SLC6A12: variants seen among roughly 807,000 people sequenced by gnomAD.
The protein encoded by SLC6A12 is solute carrier family 6 member 12.
Under a neutral mutation model 73.3 loss-of-function variants are expected in SLC6A12, and 50 were observed. That is an observed-to-expected ratio of 0.68 (90% CI 0.54 to 0.86). The LOEUF (loss-of-function observed/expected upper bound fraction) is 0.86, where lower values mean the gene tolerates loss of function less well. Ranked by LOEUF, SLC6A12 falls within the 40% of genes least tolerant of loss-of-function variation. SLC6A12 has a pLI of 0.00. For missense variants in SLC6A12, 648 were observed against 772.8 expected (o/e 0.84, Z 1.92); for synonymous variants, 304 against 309.2 (o/e 0.98, Z 0.18).
At position 209,755 on chromosome 12, in the gene SLC6A12, A is replaced by T. The variant is rs1940825675; in HGVS notation, c.214+18T>A. Reference sequence around the variant, plus strand: ...GCACACAGCTCTCCCCACCATGCCTACCTCAAAGTGAACTCACCACCTCCG... The same window carrying T: ...GCACACAGCTCTCCCCACCATGCCTTCCTCAAAGTGAACTCACCACCTCCG... On this transcript the variant is annotated intron_variant, in intron 3 of 15. Transcript: ENST00000684302. 6.2e-7 allele frequency: 1 copy of T among 1,613,800 alleles called. No individual in the cohort carries two copies. The highest frequency in any genetic ancestry group is 1.3e-5 in the African/African-American group (1 of 74,890).
intron 3 of SLC6A12, among the ~76,000 whole-genome samples, chr12:206,149 C>T (rs1940629205): frequency 3.3e-5 from 5 of 152,176 alleles, no homozygotes; most frequent in Non-Finnish European, 5.9e-5. Flanking sequence ...ATATTCACAA[C>T]GTTGTGCCAC....
At chr12:197,535 G>T (rs939641953) in intron 9 of SLC6A12, 34 bp from the exon 10 acceptor site, 1 of 1,598,182 alleles carries the variant, frequency 6.3e-7, no homozygotes, top group Non-Finnish European at 8.5e-7. Context: ...ACAGGAACGG[G>T]GAGGAAAAGA....
chr12:209,150 C>T (rs756875209), intron 3 of SLC6A12, among the ~76,000 whole-genome samples: 1 of 152,164 alleles, frequency 6.6e-6, no homozygotes, highest in African/African-American at 2.4e-5. Flanking sequence ...TGGCACCTGC[C>T]GTTCCCTGTG....
chr12:200,978 AT>A (rs1940231514), intron 6 of SLC6A12, among the ~76,000 whole-genome samples, 195 bp from the exon 7 acceptor site: 1 of 152,168 alleles, frequency 6.6e-6, no homozygotes, highest in African/African-American at 2.4e-5. Flanking sequence ...GCATATCTTT[AT>A]CTTTCTAACT....
In SLC6A12 at chr12:197,504, G is replaced by A; in HGVS notation, c.951-3C>T. 1.2e-6 allele frequency: 2 copies of A among 1,612,448 alleles called. No individual in the cohort carries two copies. Among genetic ancestry groups the A allele is most frequent in the African/African-American group, 2.7e-5 (2 of 74,976 alleles). ...GGAAGCAGAGGGCGATGCAGTCCCT[G>A]TGGGAGTGGGGCAAGGGCAGACAGG... On this transcript the variant is annotated splice_polypyrimidine_tract_variant and splice_region_variant and intron_variant, in intron 9 of 15. Transcript: ENST00000684302.
chr12:187,150 A>C (rs1340087559), downstream of SLC6A12, among the ~76,000 whole-genome samples: 2 of 152,200 alleles, frequency 1.3e-5, no homozygotes, highest in Non-Finnish European at 2.9e-5. Context: ...CACTGGCCAA[A>C]TTGTAGCTGC....
chr12:197,198 C>CCATCCATCCATCCATCCATCCATCCATCT (rs1565469239), intron 10 of SLC6A12, among the ~76,000 whole-genome samples, 179 bp downstream of exon 10: 1 of 71,078 alleles, frequency 1.4e-5, no homozygotes, highest in Non-Finnish European at 2.8e-5. Context: ...TCCATCCATT[C>CCATCCATCCATCCATCCATCCATCCATCT]ATCCATCCAT....
chr12:188,581 G>A (rs375341665), downstream of SLC6A12, among the ~76,000 whole-genome samples: 1 of 152,230 alleles, frequency 6.6e-6, no homozygotes, highest in East Asian at 1.9e-4. Context: ...CGCCGAGAGC[G>A]AGCGAGGGCT....
intron 3 of SLC6A12, among the ~76,000 whole-genome samples, chr12:207,893 G>A (rs539469572): frequency 1.5e-4 from 23 of 152,256 alleles, no homozygotes; most frequent in Admixed American, 1.1e-3. Context: ...GGAGGTAACC[G>A]GATCCGATAT....
chr12:196,481 C>T lies in SLC6A12; in HGVS notation c.1189-220G>A, dbSNP rs116521039. The stretch of plus-strand genomic sequence containing the variant: ...AGTGAGGGTTAGAGGGGGGTATGTT[C>T]TGTCCCCGAGGCTCAGGGGCTGGGG... On this transcript the variant is annotated intron_variant, in intron 11 of 15. Transcript: ENST00000684302. 8.5e-3 allele frequency among the ~76,000 whole-genome samples: 1,297 copies of T among 152,336 alleles called. 16 individuals are homozygous for T. Among genetic ancestry groups the T allele is most frequent in the African/African-American group, 0.029 (1,215 of 41,574 alleles).
chr12:195,111 G>C, intron 13 of SLC6A12, 114 bp downstream of exon 13: 1 of 724,234 alleles, frequency 1.4e-6, no homozygotes, highest in Non-Finnish European at 2.5e-6. Context: ...ACAGCGCAAA[G>C]ACACACAGAA....
rs1565479927 is a variant in SLC6A12, at chr12:209,891, C to T, written c.96G>A (p.Gln32=). 6.2e-7 allele frequency: 1 copy of T among 1,614,228 alleles called. No individual in the cohort carries two copies. ...GEKLDQEDED[Q]VKDRGQWTNK... The stretch of plus-strand genomic sequence containing the variant: ...TGGTCCATTGGCCCCGATCCTTCAC[C>T]TGGTCCTCGTCTTCCTGGTCCAACT... Residue 32 remains glutamine, a synonymous_variant, in exon 3 of 16, where the codon CAG becomes CAA. Transcript: ENST00000684302.
In SLC6A12 at chr12:192,524, A is replaced by T; in HGVS notation, c.1655T>A (p.Leu552His). The T allele has an allele frequency of 6.2e-6, 10 of 1,614,120 alleles. No homozygotes were observed. The highest frequency in any genetic ancestry group is 1.1e-5 in the South Asian group (1 of 91,082). Residue 552 changes from leucine (L) to histidine (H), a missense_variant, in exon 15 of 16, where the codon CTC becomes CAC. By Grantham distance (99) the Leu-to-His change is moderately conservative (BLOSUM62 -3). Coordinates refer to ENST00000684302, the MANE Select transcript of SLC6A12 (RefSeq NM_001122848.3). ...CTTCAGGAGGGTGATGACGACGAAG[A>T]GTGGGACACAGACCATGGAGGACAG... The part of the protein sequence containing the change: ...LALSSMVCVP[L>H]FVVITLLKTR...
chr12:186,222 G>A (rs113211320), downstream of SLC6A12, among the ~76,000 whole-genome samples: 6 of 152,244 alleles, frequency 3.9e-5, no homozygotes, highest in African/African-American at 1.4e-4. Flanking sequence ...AAGTGGCCAC[G>A]ACAGCACCCA....
At position 197,911 on chromosome 12, in the gene SLC6A12, G is replaced by A; in HGVS notation, c.939C>T (p.Asn313=). The stretch of plus-strand genomic sequence containing the variant: ...CACGCTGTTCTCACTTGTAGCAGTT[G>A]TTGTGATACTTGTTGTAGCTGCCCA... ...TALGSYNKYH[N]NCYKDCIALC... is the part of the protein sequence containing the mutation. The change falls in exon 9 of 16, where the codon AAC becomes AAT. Residue 313 remains asparagine (N), a synonymous_variant. Transcript: ENST00000684302. The A allele has an allele frequency of 1.3e-6, 2 of 1,489,386 alleles. No individual in the cohort carries two copies. Among genetic ancestry groups the A allele is most frequent in the South Asian group, 2.3e-5 (2 of 88,816 alleles). The allele number at this position is 1,489,386 out of a possible 1,614,324, so 92.3% of individuals were successfully genotyped here.
At chr12:194,495 G>A (rs770632872) in intron 13 of SLC6A12, among the ~76,000 whole-genome samples, 3 of 152,186 alleles carry the variant, frequency 2.0e-5, no homozygotes, top group Non-Finnish European at 4.4e-5. Context: ...CGGCTTCTCC[G>A]CTTGCTACGT....
At chr12:185,465 G>C (rs1052874151), downstream of SLC6A12, among the ~76,000 whole-genome samples, 3 of 152,254 alleles carry the variant, frequency 2.0e-5, no homozygotes, top group Non-Finnish European at 4.4e-5. Flanking sequence ...CTCGGGGCCA[G>C]GGCCTTTTGG....
In SLC6A12 at chr12:202,822, G is replaced by T. The variant is rs757189692; in HGVS notation, c.408C>A (p.Ile136=). Residue 136 remains isoleucine (I), a synonymous_variant, in exon 5 of 16, where the codon ATC becomes ATA. Coordinates refer to ENST00000684302, the MANE Select transcript of SLC6A12 (RefSeq NM_001122848.3). Reference sequence around the variant, plus strand: ...ACAGGTAGAAGAGAGCCCAGGCAAGGATGATGATGTAGTAGACATTCAAAT... The same window carrying T: ...ACAGGTAGAAGAGAGCCCAGGCAAGTATGATGATGTAGTAGACATTCAAAT... ...ESYLNVYYII[I]LAWALFYLFS... is the part of the protein sequence containing the mutation. 1 of 1,613,814 alleles carries T rather than the reference G, an allele frequency of 6.2e-7. No individual in the cohort carries two copies. The highest frequency in any genetic ancestry group is 2.2e-5 in the East Asian group (1 of 44,882).
At chr12:187,588 GC>G (rs199594683), downstream of SLC6A12, among the ~76,000 whole-genome samples, 1 of 63,130 alleles carries the variant, frequency 1.6e-5, no homozygotes. Context: ...CTGCAAAAGA[GC>G]AAAAAAAAAA....
Sources: allele counts gnomAD v4.1 joint callset (sites outside exome capture counted in the v4.1 genomes callset), GRCh38; gene constraint gnomAD v4.1.1; transcripts MANE v1.5; gene names NCBI Gene and HGNC (gene_info 2026-07-23, HGNC 2026-07-21).